Variants in SAMMSON observed in about 807,000 individuals in gnomAD.
The protein encoded by SAMMSON is long intergenic non-protein coding RNA 1212.
At chr3:70,363,024 T>C (rs554975207) in intron 9 of SAMMSON, among the ~76,000 whole-genome samples, 35 of 151,956 alleles carry the variant, frequency 2.3e-4, no homozygotes, top group South Asian at 1.7e-3. Context: ...ATAAGAGGCA[T>C]GGACTAACAG....
intron 2 of SAMMSON, among the ~76,000 whole-genome samples, chr3:70,415,102 AT>A (rs986899072): frequency 1.3e-4 from 20 of 152,158 alleles, no homozygotes; most frequent in Non-Finnish European, 2.5e-4. Context: ...AATACAGGAA[AT>A]AACACCCCTG....
chr3:70,105,525 G>A (rs909966314), intron 4 of SAMMSON, among the ~76,000 whole-genome samples: 2 of 152,156 alleles, frequency 1.3e-5, no homozygotes, highest in African/African-American at 2.4e-5. Context: ...GTGGCATGTC[G>A]AGATCTTTCC....
At chr3:70,430,323 G>T (rs2106779544) in intron 2 of SAMMSON, among the ~76,000 whole-genome samples, 2 of 152,278 alleles carry the variant, frequency 1.3e-5, no homozygotes, top group African/African-American at 4.8e-5. Flanking sequence ...AAGCTGGCTT[G>T]ATCGTGGTGA....
At chr3:70,059,209 A>T (rs1412919916) in intron 3 of SAMMSON, among the ~76,000 whole-genome samples, 1 of 152,154 alleles carries the variant, frequency 6.6e-6, no homozygotes, top group Non-Finnish European at 1.5e-5. Flanking sequence ...AACCTAAATC[A>T]ATAGAAATTT....
chr3:70,374,336 A>G (rs1003358622), intron 9 of SAMMSON, among the ~76,000 whole-genome samples: 4 of 152,076 alleles, frequency 2.6e-5, no homozygotes, highest in African/African-American at 9.7e-5. Flanking sequence ...ATGATGAGTG[A>G]TTTTTTATTG....
At chr3:70,328,429 A>C (rs1702596564) in intron 7 of SAMMSON, among the ~76,000 whole-genome samples, 1 of 152,204 alleles carries the variant, frequency 6.6e-6, no homozygotes, top group African/African-American at 2.4e-5. Context: ...TGTATGTCCC[A>C]AAAGGCAGAG....
chr3:70,102,849 G>A (rs2067351417), intron 4 of SAMMSON, among the ~76,000 whole-genome samples: 1 of 152,142 alleles, frequency 6.6e-6, no homozygotes, highest in East Asian at 1.9e-4. Flanking sequence ...GCTCTGCTCT[G>A]CTCTTTGCTT....
intron 4 of SAMMSON, among the ~76,000 whole-genome samples, chr3:70,153,057 C>CA (rs2067577718): frequency 6.6e-6 from 1 of 151,898 alleles, no homozygotes; most frequent in African/African-American, 2.4e-5. Context: ...GAAGGAATTG[C>CA]AGAGCCAACA....
At chr3:70,067,543 C>T (rs2067214655) in intron 3 of SAMMSON, among the ~76,000 whole-genome samples, 1 of 151,896 alleles carries the variant, frequency 6.6e-6, no homozygotes, top group Non-Finnish European at 1.5e-5. Context: ...TGGATAAAAC[C>T]CAAATACATT....
chr3:70,239,762 C>T (rs1258233626), intron 4 of SAMMSON, among the ~76,000 whole-genome samples: 1 of 152,062 alleles, frequency 6.6e-6, no homozygotes, highest in Non-Finnish European at 1.5e-5. Flanking sequence ...GATCATATCG[C>T]CCTATGTTAT....
At chr3:70,356,126 T>A (rs191795946) in intron 8 of SAMMSON, among the ~76,000 whole-genome samples, 23 of 152,308 alleles carry the variant, frequency 1.5e-4, no homozygotes, top group African/African-American at 5.5e-4. Context: ...GTGACATTCA[T>A]AAAAGCAGGT....
At chr3:70,082,862 A>G (rs2067271892) in intron 4 of SAMMSON, among the ~76,000 whole-genome samples, 1 of 152,194 alleles carries the variant, frequency 6.6e-6, no homozygotes, top group South Asian at 2.1e-4. Context: ...CATGAGATAG[A>G]TGTGGTTGCT....
intron 7 of SAMMSON, among the ~76,000 whole-genome samples, chr3:70,339,410 A>C (rs1273343754): frequency 6.6e-6 from 1 of 152,222 alleles, no homozygotes; most frequent in Non-Finnish European, 1.5e-5. Flanking sequence ...AATGGGATCT[A>C]ATTAAACTAA....
At chr3:70,212,220 G>A (rs1236258982) in intron 4 of SAMMSON, among the ~76,000 whole-genome samples, 1 of 152,122 alleles carries the variant, frequency 6.6e-6, no homozygotes, top group African/African-American at 2.4e-5. Context: ...ACAACAAATG[G>A]TTTCAGTCCT....
At chr3:70,036,644 T>A (rs930296199) in intron 3 of SAMMSON, among the ~76,000 whole-genome samples, 1 of 152,128 alleles carries the variant, frequency 6.6e-6, no homozygotes, top group African/African-American at 2.4e-5. Flanking sequence ...TGACTGCCAC[T>A]GTGGGAGAAC....
chr3:70,124,037 C>T (rs2067445727), intron 4 of SAMMSON, among the ~76,000 whole-genome samples: 1 of 152,192 alleles, frequency 6.6e-6, no homozygotes, highest in Non-Finnish European at 1.5e-5. Context: ...GTCCAGCTTC[C>T]TCGCTGACTA....
At chr3:70,347,113 A>T (rs1427049688) in intron 7 of SAMMSON, among the ~76,000 whole-genome samples, 6 of 152,240 alleles carry the variant, frequency 3.9e-5, no homozygotes, top group Non-Finnish European at 7.3e-5. Flanking sequence ...ACTGACCTGC[A>T]ATGTACGGAA....
intron 9 of SAMMSON, among the ~76,000 whole-genome samples, chr3:70,379,952 T>G (rs1441123163): frequency 7.2e-5 from 11 of 152,312 alleles, no homozygotes; most frequent in Admixed American, 5.9e-4. Flanking sequence ...GCAATGGAAG[T>G]AAAACATCTA....
chr3:70,306,582 A>C (rs79744982), intron 7 of SAMMSON, among the ~76,000 whole-genome samples: 1 of 151,292 alleles, frequency 6.6e-6, no homozygotes, highest in Non-Finnish European at 1.5e-5. Context: ...CCCACCCCCT[A>C]TTTTTTTTAT....
Sources: allele counts gnomAD v4.1 joint callset (sites outside exome capture counted in the v4.1 genomes callset), GRCh38; gene constraint gnomAD v4.1.1; transcripts MANE v1.5; gene names NCBI Gene and HGNC (gene_info 2026-07-23, HGNC 2026-07-21).